The following TNR variants were observed in gnomAD, a reference collection of about 807,000 sequenced individuals.
The protein encoded by TNR is tenascin R.
TNR carries 45 observed loss-of-function variants against 150.4 expected under a neutral mutation model. The ratio of observed to expected loss-of-function variants is 0.30; its 90% CI spans 0.24 to 0.38. The LOEUF (loss-of-function observed/expected upper bound fraction) is 0.38. Ranked by LOEUF, TNR falls within the 10% of genes least tolerant of loss-of-function variation. The probability of loss-of-function intolerance (pLI) is 1.00; values close to 1 mark genes in which losing one functional copy is unlikely to be tolerated. For missense variants in TNR, 1,544 were observed against 1,759.1 expected (o/e 0.88, Z 2.19); for synonymous variants, 687 against 678.4 (o/e 1.01, Z -0.20).
At chr1:175,532,108 A>G (rs969685722) in intron 1 of TNR, among the ~76,000 whole-genome samples, 1 of 152,246 alleles carries the variant, frequency 6.6e-6, no homozygotes, top group African/African-American at 2.4e-5. Context: ...TCTTTTTGAC[A>G]TCCAGTATAA....
At chr1:175,618,857 C>T (rs1663866169) in intron 1 of TNR, among the ~76,000 whole-genome samples, 2 of 152,306 alleles carry the variant, frequency 1.3e-5, no homozygotes, top group Non-Finnish European at 1.5e-5. Context: ...ACTGCCCTTG[C>T]CTTCTGCCCA....
intron 1 of TNR, among the ~76,000 whole-genome samples, chr1:175,612,298 G>A (rs1263419468): frequency 6.6e-6 from 1 of 152,176 alleles, no homozygotes; most frequent in Non-Finnish European, 1.5e-5. Flanking sequence ...TTCCAGCAAC[G>A]GTAGCCCTCA....
At chr1:175,537,002 T>C (rs1660317031) in intron 1 of TNR, among the ~76,000 whole-genome samples, 1 of 151,716 alleles carries the variant, frequency 6.6e-6, no homozygotes, top group Non-Finnish European at 1.5e-5. Flanking sequence ...CCATTCCCAC[T>C]TTTTTGCCCA....
intron 20 of TNR, among the ~76,000 whole-genome samples, chr1:175,334,683 T>C (rs1021053452): frequency 6.6e-5 from 10 of 152,204 alleles, no homozygotes; most frequent in Non-Finnish European, 1.5e-4. Flanking sequence ...ACTCCTATGA[T>C]TTTATCCCCA....
At chr1:175,729,455 G>A (rs1362462339) in intron 1 of TNR, among the ~76,000 whole-genome samples, 2 of 151,626 alleles carry the variant, frequency 1.3e-5, no homozygotes, top group African/African-American at 4.8e-5. Context: ...TTCAAGACAG[G>A]GTCTTGCTCT....
chr1:175,629,904 G>A (rs181696562), intron 1 of TNR, among the ~76,000 whole-genome samples: 141 of 152,244 alleles, frequency 9.3e-4, no homozygotes, highest in Non-Finnish European at 1.6e-3. Flanking sequence ...AAATAAAAGC[G>A]GTGATAGTTG....
chr1:175,602,006 C>G (rs887224458), intron 1 of TNR, among the ~76,000 whole-genome samples: 7 of 152,142 alleles, frequency 4.6e-5, no homozygotes, highest in African/African-American at 1.7e-4. Flanking sequence ...CTGTATAGAG[C>G]AGGGAGATCA....
chr1:175,580,376 G>C (rs1276805059), intron 1 of TNR, among the ~76,000 whole-genome samples: 2 of 152,112 alleles, frequency 1.3e-5, no homozygotes, highest in Non-Finnish European at 2.9e-5. Flanking sequence ...GTACCTGGGG[G>C]GTCTCTATTT....
At chr1:175,335,963 G>A (rs1471653341) in intron 19 of TNR, among the ~76,000 whole-genome samples, 156 bp from the exon 20 acceptor site, 4 of 152,204 alleles carry the variant, frequency 2.6e-5, no homozygotes, top group Non-Finnish European at 1.5e-5. Flanking sequence ...TCAGAGCAGA[G>A]CTCAGTATTT....
intron 1 of TNR, among the ~76,000 whole-genome samples, chr1:175,700,190 A>C (rs1666648104): frequency 6.7e-6 from 1 of 149,104 alleles, no homozygotes; most frequent in Admixed American, 6.7e-5. Context: ...AGCTTAAGAT[A>C]ACTGTCAGAG....
intron 1 of TNR, among the ~76,000 whole-genome samples, chr1:175,698,321 C>A (rs891356402): frequency 1.3e-5 from 2 of 152,120 alleles, no homozygotes; most frequent in Admixed American, 6.5e-5. Context: ...ATGGTGAGAC[C>A]AGGGAGGCCA....
rs529998416 is a variant in TNR, at chr1:175,622,888, T to C, written c.-164-94519A>G. On this transcript the variant is annotated intron_variant, in intron 1 of 22. Transcript: ENST00000367674. ...AGCTTCTTAAGCCCATCTGTCTTCA[T>C]ATTTACATGGGGTTGTCCCTGGTGC... is the stretch of plus-strand genomic sequence containing the variant. Among the ~76,000 whole-genome samples, 48 of 152,166 alleles carry C rather than the reference T, an allele frequency of 3.2e-4. 1 individual carries two copies. The highest frequency in any genetic ancestry group is 6.0e-4 in the Non-Finnish European group (41 of 68,016).
rs75103306 is a variant in TNR at position 175,645,172 on chromosome 1, C to A, written c.-165+98054G>T. Reference sequence around the variant, plus strand: ...AAAATGACACATTTTTAAATGACCTCAAAATATCTGTATAATTTACATACT... The same window carrying A: ...AAAATGACACATTTTTAAATGACCTAAAAATATCTGTATAATTTACATACT... On this transcript the variant is annotated intron_variant, in intron 1 of 22. Coordinates refer to ENST00000367674, the MANE Select transcript of TNR (RefSeq NM_003285.3). 3.3e-3 allele frequency among the ~76,000 whole-genome samples: 501 copies of A among 152,158 alleles called. 6 individuals carry two copies. The highest frequency in any genetic ancestry group is 0.011 in the African/African-American group (472 of 41,512).
At chr1:175,463,260 G>T (rs914910037) in intron 2 of TNR, among the ~76,000 whole-genome samples, 1 of 152,252 alleles carries the variant, frequency 6.6e-6, no homozygotes, top group African/African-American at 2.4e-5. Flanking sequence ...TCCTGATTCC[G>T]TTTTTCCAGA....
chr1:175,404,120 G>A lies in TNR; in HGVS notation c.500-504C>T, dbSNP rs116588142. 7.2e-3 allele frequency among the ~76,000 whole-genome samples: 1,092 copies of A among 152,198 alleles called. 16 individuals are homozygous for A. The highest frequency in any genetic ancestry group is 0.025 in the African/African-American group (1,041 of 41,508). On this transcript the variant is annotated intron_variant, in intron 3 of 22. Transcript: ENST00000367674. Reference sequence around the variant, plus strand: ...AAGGTCTATGTCCCTGAGGGCATGCGAATCCCCCAGCCCCTCATTCTCTCT... The same window carrying A: ...AAGGTCTATGTCCCTGAGGGCATGCAAATCCCCCAGCCCCTCATTCTCTCT...
chr1:175,611,682 C>T (rs1281268687), intron 1 of TNR, among the ~76,000 whole-genome samples: 2 of 152,098 alleles, frequency 1.3e-5, no homozygotes, highest in African/African-American at 4.8e-5. Context: ...CTCATGTTGA[C>T]CCACTGAGAA....
chr1:175,646,569 C>A (rs1237569946), intron 1 of TNR, among the ~76,000 whole-genome samples: 1 of 152,118 alleles, frequency 6.6e-6, no homozygotes, highest in Non-Finnish European at 1.5e-5. Context: ...GATTAACTTG[C>A]AGAACCAGAA....
chr1:175,461,008 CT>C lies in TNR; in HGVS notation c.-63-54232del, dbSNP rs562241772. 6.0e-3 allele frequency among the ~76,000 whole-genome samples: 912 copies of C among 152,364 alleles called. 8 individuals carry two copies. The highest frequency in any genetic ancestry group is 9.5e-3 in the Non-Finnish European group (647 of 68,032). ...ATGTATGTGCACACACTGATGCATG[CT>C]TGCATGGCTGAAGCCAGAAGGGCAT... On this transcript the variant is annotated intron_variant, in intron 2 of 22. Coordinates refer to ENST00000367674, the MANE Select transcript of TNR (RefSeq NM_003285.3).
In TNR at chr1:175,337,515, A is replaced by C. The variant is rs1650306020; in HGVS notation, c.3534+13T>G. 1 of 1,612,448 alleles carries C rather than the reference A, an allele frequency of 6.2e-7. No individual in the cohort carries two copies. The highest frequency in any genetic ancestry group is 8.5e-7 in the Non-Finnish European group (1 of 1,179,992). The stretch of plus-strand genomic sequence containing the variant: ...GGACGCTTCTGTGCAAGGAGAGCAC[A>C]GATTGTACTTACAATCCAGCCGCCC... On this transcript the variant is annotated intron_variant, in intron 19 of 22. Coordinates refer to ENST00000367674, the MANE Select transcript of TNR (RefSeq NM_003285.3).
Sources: gnomAD v4.1 joint callset for allele counts (sites outside exome capture counted in the v4.1 genomes callset) on GRCh38, gnomAD v4.1.1 for gene constraint, MANE v1.5 for transcripts, NCBI Gene and HGNC (gene_info 2026-07-23, HGNC 2026-07-21) for gene names.